Variants in STK36 observed in about 807,000 individuals in gnomAD.
STK36 encodes serine/threonine kinase 36.
In STK36, 116 loss-of-function variants were observed where a neutral mutation model predicts 142.2. The observed-to-expected ratio is 0.82, with a 90% CI of 0.70 to 0.95. The LOEUF is 0.95. Ranked by LOEUF, STK36 falls within the 40% of genes least tolerant of loss-of-function variation. The pLI is 0.00. For missense variants in STK36, 1,422 were observed against 1,617.2 expected (o/e 0.88, Z 2.07); for synonymous variants, 619 against 641.7 (o/e 0.96, Z 0.53).
rs73079072 is a variant in STK36, at chr2:218,694,295, C to G, written c.2368C>G (p.Leu790Val). 6,262 of 1,614,112 alleles carry G rather than the reference C, an allele frequency of 3.9e-3. 203 individuals are homozygous for G. The African/African-American group carries it at 0.071, about 18-fold the overall frequency. The change falls in exon 20 of 27, where the codon CTC (leucine) becomes GTC (valine). Residue 790 changes from leucine (L) to valine (V), a missense_variant. Leu to Val is a conservative substitution (Grantham distance 32). Transcript: ENST00000295709. This position sits in a 1 kb window ranked among gnomAD's most constrained non-coding sequence, Gnocchi z 4.4. Reference protein sequence around the residue: ...MEKLGSDVATLFTHSHVVSLV... With the variant: ...MEKLGSDVATVFTHSHVVSLV... ...GAAGCTAGGCAGTGACGTTGCTACT[C>G]TCTTTACCCATTCGCATGTCGTCTC...
chr2:218,681,184 G>A (rs1242857166), intron 10 of STK36, among the ~76,000 whole-genome samples: 1 of 150,494 alleles, frequency 6.6e-6, no homozygotes, highest in East Asian at 2.0e-4. Flanking sequence ...CTGGATTGCA[G>A]TGGTGCAATC....
At chr2:218,678,038 A>G (rs6731236) in intron 6 of STK36, among the ~76,000 whole-genome samples, 9,154 of 152,156 alleles carry the variant, frequency 0.06, 921 homozygotes, top group African/African-American at 0.21. Context: ...CGATCTGCCC[A>G]CCTTGGCCTC....
At position 218,692,205 on chromosome 2, in the gene STK36, C is replaced by T; in HGVS notation, c.1827C>T (p.Tyr609=). Residue 609 remains tyrosine (Y), a synonymous_variant, in exon 15 of 27, where the codon TAC becomes TAT. Coordinates refer to ENST00000295709, the MANE Select transcript of STK36 (RefSeq NM_015690.5). ...GCCGGGCCATCTCCAAAGCCTTTTA[C>T]TCCAGCTTGCTGACGACACAGCAGG... is the stretch of plus-strand genomic sequence containing the variant. ...GNSRAISKAF[Y]SSLLTTQQVV... 1 of 1,614,236 alleles carries T rather than the reference C, an allele frequency of 6.2e-7. No individual in the cohort carries two copies. Among genetic ancestry groups the T allele is most frequent in the Non-Finnish European group, 8.5e-7 (1 of 1,180,056 alleles).
At position 218,694,225 on chromosome 2, in the gene STK36, T is replaced by C. The variant is rs762817530; in HGVS notation, c.2337-39T>C. 2 of 1,573,824 alleles carry C rather than the reference T, an allele frequency of 1.3e-6. No homozygotes were observed. The highest frequency in any genetic ancestry group is 1.1e-5 in the South Asian group (1 of 90,298). On this transcript the variant is annotated intron_variant, in intron 19 of 26. Coordinates refer to ENST00000295709, the MANE Select transcript of STK36 (RefSeq NM_015690.5). This position sits in a 1 kb window ranked among gnomAD's most constrained non-coding sequence, Gnocchi z 4.4. Reference sequence around the variant, plus strand: ...GGGGAGGCCGCTTACCAACCTCCTTTAATACTGCTGCATCCCTTGATGTAT... The same window carrying C: ...GGGGAGGCCGCTTACCAACCTCCTTCAATACTGCTGCATCCCTTGATGTAT...
rs79738031 is a variant in STK36 at position 218,689,693 on chromosome 2, C to A, written c.1561-166C>A. Among the ~76,000 whole-genome samples the A allele has an allele frequency of 4.4e-4, 67 of 152,356 alleles. No individual in the cohort carries two copies. In the East Asian group the frequency reaches 0.013, roughly 29 times the overall value. ...ATCCAGGCTGTTCACAGCCCATTGG[C>A]AGATTCTCTGTTACCCCTAGAACTC... On this transcript the variant is annotated intron_variant, in intron 12 of 26. Transcript: ENST00000295709.
At chr2:218,682,266 CTT>C (rs1437994688) in intron 10 of STK36, among the ~76,000 whole-genome samples, 1 of 152,114 alleles carries the variant, frequency 6.6e-6, no homozygotes, top group African/African-American at 2.4e-5. Flanking sequence ...AGTTGTAAAA[CTT>C]TTGTCTCATT....
chr2:218,680,745 ATGT>A, intron 10 of STK36, 43 bp downstream of exon 10: 1 of 1,546,242 alleles, frequency 6.5e-7, no homozygotes, highest in Non-Finnish European at 8.8e-7. Flanking sequence ...CTTTCATGGG[ATGT>A]TAAGTCTAGG....
chr2:218,682,341 G>A (rs1940563061), intron 10 of STK36, among the ~76,000 whole-genome samples: 2 of 152,024 alleles, frequency 1.3e-5, no homozygotes, highest in African/African-American at 4.8e-5. Context: ...AATCATTTTA[G>A]GGTAAGTTGT....
At position 218,679,983 on chromosome 2, in the gene STK36, ACTC is replaced by A; in HGVS notation, c.1043_1045del (p.Pro348del). The A allele has an allele frequency of 3.1e-6, 5 of 1,614,060 alleles. No individual in the cohort carries two copies. Among genetic ancestry groups the A allele is most frequent in the Non-Finnish European group, 4.2e-6 (5 of 1,179,992 alleles). ...AGCCCCTCTGCCCAGACTCGGGGCC[ACTC>A]CTCAGGAATCAAGCCTCCTGGCCGG... is the stretch of plus-strand genomic sequence containing the variant. On this transcript the variant is annotated inframe_deletion, in exon 9 of 27. Coordinates refer to ENST00000295709, the MANE Select transcript of STK36 (RefSeq NM_015690.5).
At chr2:218,673,076 G>A (rs1035013543) in intron 2 of STK36, 163 bp downstream of exon 2, 6 of 569,670 alleles carry the variant, frequency 1.1e-5, no homozygotes, top group South Asian at 5.7e-5. Context: ...TTATTTGGGT[G>A]CAAATTCCAT....
At chr2:218,699,928 T>A (rs534973039) in intron 26 of STK36, among the ~76,000 whole-genome samples, 2 of 145,944 alleles carry the variant, frequency 1.4e-5, no homozygotes, top group Non-Finnish European at 3.0e-5. Context: ...TTCTTTTTCC[T>A]TTTTTTTTTT....
intron 2 of STK36, chr2:218,673,118 C>A (rs1559326528): frequency 7.8e-6 from 4 of 509,758 alleles, no homozygotes; most frequent in Non-Finnish European, 1.1e-5. Flanking sequence ...GAATTATGGA[C>A]AAATTACTTA....
chr2:218,693,287 C>T lies in STK36; in HGVS notation c.2091C>T (p.Leu697=). 1 of 1,614,234 alleles carries T rather than the reference C, an allele frequency of 6.2e-7. No individual in the cohort carries two copies. The highest frequency in any genetic ancestry group is 1.3e-5 in the African/African-American group (1 of 75,058). The part of the protein sequence containing the change: ...ANQLTEDSSQ[L]RPSLISGLQH... ...AGCTAACTGAAGACAGCAGCCAGCT[C>T]AGGCCATCCCTCATCTCTGGCCTGC... Residue 697 remains leucine, a synonymous_variant, in exon 17 of 27, where the codon CTC becomes CTT. Coordinates refer to ENST00000295709, the MANE Select transcript of STK36 (RefSeq NM_015690.5).
intron 14 of STK36, among the ~76,000 whole-genome samples, chr2:218,691,859 C>A (rs1941013438): frequency 6.6e-6 from 1 of 152,316 alleles, no homozygotes; most frequent in East Asian, 1.9e-4. Context: ...TTGCACCTGA[C>A]CCCTAGGAAT....
intron 6 of STK36, among the ~76,000 whole-genome samples, chr2:218,676,840 C>T (rs1325515630): frequency 2.6e-5 from 4 of 151,474 alleles, no homozygotes; most frequent in African/African-American, 4.9e-5. Context: ...TTAGTAGAGA[C>T]GGGGTTTCAC....
chr2:218,695,862 C>CT (rs34836020), intron 21 of STK36, among the ~76,000 whole-genome samples: 4,304 of 100,018 alleles, frequency 0.043, 299 homozygotes, highest in African/African-American at 0.11. Flanking sequence ...ATGTAGAATT[C>CT]TTTTTTTTTT....
intron 11 of STK36, among the ~76,000 whole-genome samples, 176 bp downstream of exon 11, chr2:218,685,404 A>G (rs796838199): frequency 6.6e-6 from 1 of 152,186 alleles, no homozygotes; most frequent in East Asian, 1.9e-4. Context: ...AGCAGCCCTC[A>G]GGTTTCTTTT....
intron 12 of STK36, among the ~76,000 whole-genome samples, chr2:218,689,111 A>G (rs1249244163): frequency 6.6e-6 from 1 of 152,196 alleles, no homozygotes; most frequent in African/African-American, 2.4e-5. Flanking sequence ...ATGATGAACT[A>G]GAGTTCACAT....
intron 4 of STK36, among the ~76,000 whole-genome samples, chr2:218,675,051 C>T (rs1236873811): frequency 6.6e-6 from 1 of 152,106 alleles, no homozygotes; most frequent in Non-Finnish European, 1.5e-5. Flanking sequence ...TTAACTCAGT[C>T]CTCACAATAA....
Sources: allele counts gnomAD v4.1 joint callset (sites outside exome capture counted in the v4.1 genomes callset), GRCh38; gene constraint gnomAD v4.1.1; non-coding constraint Gnocchi (gnomAD v3.1); transcripts MANE v1.5; gene names NCBI Gene and HGNC (gene_info 2026-07-23, HGNC 2026-07-21).